The following PDSS2 variants were observed in gnomAD, a reference collection of about 807,000 sequenced individuals.
PDSS2 encodes the protein all trans-polyprenyl-diphosphate synthase PDSS2.
A neutral mutation model predicts 44.5 loss-of-function variants in PDSS2; 31 were observed. The observed-to-expected ratio is 0.70, with a 90% CI of 0.52 to 0.94. The LOEUF (loss-of-function observed/expected upper bound fraction) is 0.94. Among genes scored for constraint, PDSS2 ranks in the 40% least tolerant of loss-of-function variants. PDSS2 has a pLI of 0.00. For synonymous variants in PDSS2, 157 were observed against 180.3 expected, an observed-to-expected ratio of 0.87 and a Z score of 1.03; for missense variants, 452 against 482.2, an observed-to-expected ratio of 0.94 and a Z score of 0.59.
chr6:107,231,954 C>T (rs1163370433), intron 4 of PDSS2, among the ~76,000 whole-genome samples: 2 of 123,882 alleles, frequency 1.6e-5, no homozygotes, highest in Non-Finnish European at 3.2e-5. Flanking sequence ...AAGAGTGAAA[C>T]TCTGTCTCAA....
At chr6:107,208,944 T>A (rs77665720) in intron 6 of PDSS2, among the ~76,000 whole-genome samples, 443 of 152,162 alleles carry the variant, frequency 2.9e-3, no homozygotes, top group Non-Finnish European at 5.0e-3. Context: ...AAAAATCATC[T>A]TTTTTGTCCA....
chr6:107,220,102 G>A (rs1773550148), intron 4 of PDSS2, among the ~76,000 whole-genome samples: 2 of 148,708 alleles, frequency 1.3e-5, no homozygotes, highest in South Asian at 4.4e-4. Context: ...ATGGGCATGA[G>A]GGACCTTATA....
At chr6:107,261,665 G>A (rs1775232980) in intron 3 of PDSS2, among the ~76,000 whole-genome samples, 1 of 141,620 alleles carries the variant, frequency 7.1e-6, no homozygotes, top group Non-Finnish European at 1.5e-5. Flanking sequence ...TGCAACCTCC[G>A]CTTTTGGGTT....
chr6:107,415,289 A>G (rs1338739083), intron 1 of PDSS2, among the ~76,000 whole-genome samples: 1 of 152,208 alleles, frequency 6.6e-6, no homozygotes, highest in East Asian at 1.9e-4. Flanking sequence ...TTTACCTCCC[A>G]TTTTAACACA....
chr6:107,414,369 A>G (rs1053052382), intron 1 of PDSS2, among the ~76,000 whole-genome samples: 13 of 152,226 alleles, frequency 8.5e-5, no homozygotes, highest in African/African-American at 3.1e-4. Flanking sequence ...CTGCCAATAC[A>G]AGGAAATATC....
chr6:107,418,859 T>C (rs1332269621), intron 1 of PDSS2, among the ~76,000 whole-genome samples: 2 of 152,160 alleles, frequency 1.3e-5, no homozygotes, highest in African/African-American at 2.4e-5. Context: ...ACAGCAGCAA[T>C]AGGAAACTAA....
intron 1 of PDSS2, among the ~76,000 whole-genome samples, chr6:107,361,386 G>T (rs1327879071): frequency 1.3e-5 from 2 of 152,266 alleles, no homozygotes; most frequent in Non-Finnish European, 2.9e-5. Context: ...CATTATAACA[G>T]GCAACGTGCT....
chr6:107,396,599 T>C (rs1281758525), intron 1 of PDSS2, among the ~76,000 whole-genome samples: 2 of 152,086 alleles, frequency 1.3e-5, no homozygotes, highest in African/African-American at 2.4e-5. Context: ...AAATGCTATA[T>C]ATAAAATAAC....
intron 3 of PDSS2, among the ~76,000 whole-genome samples, chr6:107,265,216 ATTGACTCTGCTAATTTTACCC>A (rs1331880285): frequency 6.6e-6 from 1 of 152,190 alleles, no homozygotes; most frequent in Non-Finnish European, 1.5e-5. Context: ...AGGGAAAATA[ATTGACTCTGCTAATTTTACCC>A]TTGGCAATTA....
intron 1 of PDSS2, among the ~76,000 whole-genome samples, chr6:107,365,223 G>A (rs1168039403): frequency 2.0e-5 from 3 of 151,898 alleles, no homozygotes; most frequent in Non-Finnish European, 4.4e-5. Flanking sequence ...TTTAACAATA[G>A]TAACACAAAT....
chr6:107,371,524 A>G (rs1434338348), intron 1 of PDSS2, among the ~76,000 whole-genome samples: 3 of 152,174 alleles, frequency 2.0e-5, no homozygotes, highest in Non-Finnish European at 4.4e-5. Flanking sequence ...ATTTTCCCTT[A>G]CAATCTACTA....
At chr6:107,410,758 GATTACAGGCACTA>G (rs1378676677) in intron 1 of PDSS2, among the ~76,000 whole-genome samples, 9 of 152,260 alleles carry the variant, frequency 5.9e-5, no homozygotes, top group East Asian at 1.9e-4. Context: ...AAAGTGCTGA[GATTACAGGCACTA>G]ATTACAGGCA....
At chr6:107,434,937 A>C (rs1345452995) in intron 1 of PDSS2, among the ~76,000 whole-genome samples, 1 of 152,078 alleles carries the variant, frequency 6.6e-6, no homozygotes, top group Non-Finnish European at 1.5e-5. Context: ...CTATGTACTC[A>C]TAAAAATTTT....
At chr6:107,272,070 T>TA (rs940653376) in intron 3 of PDSS2, among the ~76,000 whole-genome samples, 8 of 107,906 alleles carry the variant, frequency 7.4e-5, no homozygotes, top group African/African-American at 1.4e-4. Flanking sequence ...AAAGAAACAT[T>TA]AAAAAAAAAG....
rs770288181 is a variant in PDSS2 at position 107,254,586 on chromosome 6, T to G, written c.631-8967A>C. On this transcript the variant is annotated intron_variant, in intron 3 of 7. Transcript: ENST00000369037. The stretch of plus-strand genomic sequence containing the variant: ...GGGAATTGCTGAATATGAAGTCTGT[T>G]GTACTCAGGATATACCATTCTCAGT... Among the ~76,000 whole-genome samples, 3 of 152,336 alleles carry G rather than the reference T, an allele frequency of 2.0e-5. No individual in the cohort carries two copies. The East Asian group carries it at 5.8e-4, about 29-fold the overall frequency.
intron 2 of PDSS2, among the ~76,000 whole-genome samples, chr6:107,314,804 A>C (rs1490975997): frequency 6.6e-6 from 1 of 152,264 alleles, no homozygotes; most frequent in Non-Finnish European, 1.5e-5. Context: ...TCTATTATTT[A>C]CAGAACCATT....
intron 1 of PDSS2, among the ~76,000 whole-genome samples, chr6:107,347,967 CA>C (rs1778307209): frequency 6.6e-6 from 1 of 152,070 alleles, no homozygotes; most frequent in Non-Finnish European, 1.5e-5. Context: ...TGCCATCCCC[CA>C]CCCCCCACAC....
At chr6:107,195,720 C>T (rs995352153) in intron 6 of PDSS2, among the ~76,000 whole-genome samples, 2 of 135,618 alleles carry the variant, frequency 1.5e-5, no homozygotes, top group African/African-American at 2.8e-5. Flanking sequence ...CCACCACGCC[C>T]GGCTAATTTT....
At chr6:107,341,188 G>A (rs1778067400) in intron 1 of PDSS2, among the ~76,000 whole-genome samples, 1 of 152,094 alleles carries the variant, frequency 6.6e-6, no homozygotes, top group Non-Finnish European at 1.5e-5. Context: ...ATAGGGATGG[G>A]GAAGAAAAGC....
Sources: gnomAD v4.1 joint callset for allele counts (sites outside exome capture counted in the v4.1 genomes callset) on GRCh38, gnomAD v4.1.1 for gene constraint, MANE v1.5 for transcripts, NCBI Gene and HGNC (gene_info 2026-07-23, HGNC 2026-07-21) for gene names.